The following TMEM200A variants were observed in gnomAD, a reference collection of about 807,000 sequenced individuals.
TMEM200A encodes the protein transmembrane protein 200A.
Under a neutral mutation model 24.3 loss-of-function variants are expected in TMEM200A, and 12 were observed. That is an observed-to-expected ratio of 0.49 (90% CI 0.32 to 0.80). TMEM200A has a LOEUF of 0.80. Ranked by LOEUF, TMEM200A falls within the 30% of genes least tolerant of loss-of-function variation. TMEM200A has a pLI of 0.04. For synonymous variants in TMEM200A, 224 were observed against 224.4 expected (o/e 1.00, Z 0.02); for missense variants, 545 against 614.4 (o/e 0.89, Z 1.19).
chr6:130,407,092 A>G (rs892775755), intron 2 of TMEM200A, among the ~76,000 whole-genome samples: 8 of 152,102 alleles, frequency 5.3e-5, no homozygotes, highest in African/African-American at 1.9e-4. Flanking sequence ...TCCATTACAT[A>G]ATGTGAAAGG....
At position 130,367,129 on chromosome 6, in the gene TMEM200A, G is replaced by A. The variant is rs77983365; in HGVS notation, c.-81+605G>A. Among the ~76,000 whole-genome samples the A allele has an allele frequency of 8.7e-3, 1,320 of 152,318 alleles. 20 individuals are homozygous for A. Among genetic ancestry groups the A allele is most frequent in the African/African-American group, 0.026 (1,088 of 41,564 alleles). On this transcript the variant is annotated intron_variant, in intron 1 of 2. Transcript: ENST00000296978. ...ACCGCTGTTTGATTTAGAAAAATGT[G>A]TGTGTGTTTGTGTGTTTTTTTTAAA...
At chr6:130,435,756 A>G (rs550848128) in intron 2 of TMEM200A, among the ~76,000 whole-genome samples, 55 of 152,350 alleles carry the variant, frequency 3.6e-4, no homozygotes, top group African/African-American at 1.3e-3. Flanking sequence ...AATGAAATTC[A>G]GTGTAGTAAA....
intron 2 of TMEM200A, among the ~76,000 whole-genome samples, chr6:130,411,583 G>A (rs569909051): frequency 6.6e-6 from 1 of 152,276 alleles, no homozygotes; most frequent in South Asian, 2.1e-4. Context: ...GAATTTAGTG[G>A]TTGTATCTCT....
intron 2 of TMEM200A, among the ~76,000 whole-genome samples, chr6:130,393,188 C>G (rs924026866): frequency 2.0e-5 from 3 of 152,148 alleles, no homozygotes. Context: ...ATCAGAGGTC[C>G]TAGCTGAGTA....
chr6:130,434,207 GGC>G (rs1386703232), intron 2 of TMEM200A, among the ~76,000 whole-genome samples: 3 of 152,136 alleles, frequency 2.0e-5, no homozygotes, highest in Admixed American at 6.5e-5. Flanking sequence ...GTATATGCCA[GGC>G]ACTCTGCCAA....
intron 2 of TMEM200A, among the ~76,000 whole-genome samples, chr6:130,428,714 T>C (rs912008723): frequency 1.3e-5 from 2 of 152,188 alleles, no homozygotes; most frequent in Admixed American, 6.5e-5. Flanking sequence ...AGTTAGAAAA[T>C]AGCAATTGTA....
At chr6:130,386,001 A>G (rs1383533115) in intron 2 of TMEM200A, among the ~76,000 whole-genome samples, 7 of 152,214 alleles carry the variant, frequency 4.6e-5, no homozygotes, top group Admixed American at 4.6e-4. Flanking sequence ...TTAAACTTCA[A>G]TTATCTAGAA....
intron 2 of TMEM200A, among the ~76,000 whole-genome samples, chr6:130,430,307 C>A (rs1172453263): frequency 6.6e-6 from 1 of 152,006 alleles, no homozygotes; most frequent in Non-Finnish European, 1.5e-5. Flanking sequence ...CTAATCACCC[C>A]CAAAGGCTCC....
chr6:130,399,324 G>A (rs1411441019), intron 2 of TMEM200A, among the ~76,000 whole-genome samples: 1 of 151,936 alleles, frequency 6.6e-6, no homozygotes, highest in South Asian at 2.1e-4. Context: ...CATCAGCTGT[G>A]GAAGTTTTCA....
intron 2 of TMEM200A, among the ~76,000 whole-genome samples, chr6:130,420,197 CTCTTT>C (rs1300763886): frequency 6.6e-6 from 1 of 152,118 alleles, no homozygotes; most frequent in East Asian, 1.9e-4. Context: ...GTTTTAATCT[CTCTTT>C]TATTTCTTTA....
chr6:130,443,000 T>A lies in TMEM200A; in HGVS notation c.*1102T>A, dbSNP rs1012664795. On this transcript the variant is annotated 3_prime_UTR_variant, in exon 3 of 3. Transcript: ENST00000296978. The stretch of plus-strand genomic sequence containing the variant: ...AGACTTTCTTACGGTATAATACATG[T>A]TGTTTAGGATTGTGTTTCTTAGTCA... 1 of 166,988 alleles carries A rather than the reference T, an allele frequency of 6.0e-6. No homozygotes were observed. Among genetic ancestry groups the A allele is most frequent in the Non-Finnish European group, 1.5e-5 (1 of 68,104 alleles). The allele number at this position is 166,988 out of a possible 1,614,324, so 10.3% of individuals were successfully genotyped here.
At chr6:130,387,507 A>G (rs977785056) in intron 2 of TMEM200A, among the ~76,000 whole-genome samples, 1 of 152,170 alleles carries the variant, frequency 6.6e-6, no homozygotes, top group Non-Finnish European at 1.5e-5. Flanking sequence ...TCCTGATCTT[A>G]GGTGATCCGC....
At position 130,440,409 on chromosome 6, in the gene TMEM200A, TA is replaced by T; in HGVS notation, c.-10del. On this transcript the variant is annotated 5_prime_UTR_variant, in exon 3 of 3. Transcript: ENST00000296978. ...TTCCTTTTTTTTTTCTTCTTCAGAG[TA>T]AAAGGCCAAGCTATGATAGCAACTG... The T allele has an allele frequency of 1.3e-6, 2 of 1,517,210 alleles. No individual in the cohort carries two copies. Among genetic ancestry groups the T allele is most frequent in the South Asian group, 1.3e-5 (1 of 74,288 alleles). 94.0% of individuals were successfully genotyped at this position (1,517,210 alleles called of 1,614,324 possible). A position where few individuals can be genotyped will look rare whatever the true frequency, so the allele number is the denominator to read the frequency against.
rs1778170557 is a variant in TMEM200A, at chr6:130,366,814, G to T, written c.-81+290G>T. Among the ~76,000 whole-genome samples the T allele has an allele frequency of 6.6e-6, 1 of 152,176 alleles. No individual in the cohort carries two copies. The highest frequency in any genetic ancestry group is 2.4e-5 in the African/African-American group (1 of 41,448). The stretch of plus-strand genomic sequence containing the variant: ...CCAAGCAACACCCTCCTTTGTCTCG[G>T]TTCCTGAGAGTCAGCATTCTCTGTA... On this transcript the variant is annotated intron_variant, in intron 1 of 2. Coordinates refer to ENST00000296978, the MANE Select transcript of TMEM200A (RefSeq NM_001258277.2). This position sits in a 1 kb window ranked among gnomAD's most constrained non-coding sequence, Gnocchi z 4.4.
chr6:130,388,762 C>T (rs971853913), intron 2 of TMEM200A, among the ~76,000 whole-genome samples: 3 of 152,138 alleles, frequency 2.0e-5, no homozygotes, highest in African/African-American at 7.2e-5. Flanking sequence ...AAAAATAAAA[C>T]ATTAGAATAT....
intron 1 of TMEM200A, among the ~76,000 whole-genome samples, chr6:130,379,444 A>G (rs1778544621): frequency 6.6e-6 from 1 of 151,100 alleles, no homozygotes; most frequent in Admixed American, 6.6e-5. Context: ...CCAAATAAGC[A>G]TATTCAATAG....
intron 2 of TMEM200A, among the ~76,000 whole-genome samples, chr6:130,395,859 T>C (rs560542014): frequency 1.3e-5 from 2 of 152,338 alleles, no homozygotes; most frequent in African/African-American, 2.4e-5. Context: ...ACTGTGGTCA[T>C]GTAAGACAAT....
chr6:130,424,397 GTTCTC>G (rs1228657864), intron 2 of TMEM200A, among the ~76,000 whole-genome samples: 1 of 152,064 alleles, frequency 6.6e-6, no homozygotes, highest in Non-Finnish European at 1.5e-5. Context: ...ATAAATGCTA[GTTCTC>G]TTCTCATTTC....
At chr6:130,436,314 G>A (rs1009342161) in intron 2 of TMEM200A, among the ~76,000 whole-genome samples, 1 of 151,978 alleles carries the variant, frequency 6.6e-6, no homozygotes, top group East Asian at 1.9e-4. Context: ...AGCAGTATGG[G>A]CTGTTATTAC....
Sources: gnomAD v4.1 joint callset for allele counts (sites outside exome capture counted in the v4.1 genomes callset) on GRCh38, gnomAD v4.1.1 for gene constraint, Gnocchi (gnomAD v3.1) non-coding constraint, MANE v1.5 for transcripts, NCBI Gene and HGNC (gene_info 2026-07-23, HGNC 2026-07-21) for gene names.